WWOX: variants seen among roughly 807,000 people sequenced by gnomAD.
WWOX encodes the protein WW domain-containing oxidoreductase.
WWOX carries 69 observed loss-of-function variants against 46.2 expected under a neutral mutation model. The ratio of observed to expected loss-of-function variants is 1.49; its 90% CI spans 1.23 to 1.82. The LOEUF is 1.82. WWOX is among the 40% of genes most tolerant of loss of function. The pLI, the probability that WWOX is intolerant of heterozygous loss-of-function variation, is 0.00. For synonymous variants in WWOX, 359 were observed against 202.6 expected (o/e 1.77, Z -6.56); for missense variants, 919 against 542.6 (o/e 1.69, Z -6.89).
At chr16:78,647,879 C>CT (rs139325646) in intron 8 of WWOX, among the ~76,000 whole-genome samples, 8,279 of 152,290 alleles carry the variant, frequency 0.054, 312 homozygotes, top group South Asian at 0.17. Flanking sequence ...CTCTCTCACT[C>CT]TGAGTATTTA....
intron 8 of WWOX, among the ~76,000 whole-genome samples, chr16:79,092,363 C>T (rs768884495): frequency 1.9e-4 from 29 of 152,248 alleles, no homozygotes; most frequent in Admixed American, 8.5e-4. Context: ...AAATGGCAGC[C>T]GCCTAGCCTG....
intron 8 of WWOX, among the ~76,000 whole-genome samples, chr16:79,114,207 T>C (rs544292725): frequency 6.6e-6 from 1 of 152,156 alleles, no homozygotes; most frequent in South Asian, 2.1e-4. Flanking sequence ...AGAAGATATG[T>C]TGAAGTCCCA....
At chr16:78,996,550 A>G (rs1422798133) in intron 8 of WWOX, among the ~76,000 whole-genome samples, 3 of 151,854 alleles carry the variant, frequency 2.0e-5, no homozygotes, top group Admixed American at 6.6e-5. Flanking sequence ...CTCCTAACTA[A>G]TGTGGGAGAG....
intron 8 of WWOX, among the ~76,000 whole-genome samples, chr16:78,980,385 A>T (rs2046657408): frequency 6.6e-6 from 1 of 152,162 alleles, no homozygotes; most frequent in African/African-American, 2.4e-5. Flanking sequence ...ATGTCCTTGG[A>T]ATGGTTTTAG....
At chr16:78,593,773 A>C (rs2045408461) in intron 8 of WWOX, among the ~76,000 whole-genome samples, 1 of 151,936 alleles carries the variant, frequency 6.6e-6, no homozygotes, top group Non-Finnish European at 1.5e-5. Context: ...ACACAAAGAG[A>C]ATCAGAAAGG....
At chr16:79,109,643 T>C (rs1051832113) in intron 8 of WWOX, among the ~76,000 whole-genome samples, 1 of 152,224 alleles carries the variant, frequency 6.6e-6, no homozygotes, top group East Asian at 1.9e-4. Flanking sequence ...TTAAATAAAA[T>C]GAACACTGGG....
intron 5 of WWOX, among the ~76,000 whole-genome samples, chr16:78,287,580 C>A (rs1157595038): frequency 6.6e-6 from 1 of 151,550 alleles, no homozygotes; most frequent in African/African-American, 2.4e-5. Context: ...TAAATTTTTT[C>A]TTTGTGTCTA....
intron 8 of WWOX, among the ~76,000 whole-genome samples, chr16:78,571,635 A>G (rs1597285778): frequency 6.6e-6 from 1 of 152,246 alleles, no homozygotes. Flanking sequence ...TAAGGAGTCC[A>G]AGGCAGGTGG....
chr16:78,194,480 C>T lies in WWOX; in HGVS notation c.516+30191C>T, dbSNP rs200483451. Among the ~76,000 whole-genome samples the T allele has an allele frequency of 3.4e-5, 5 of 148,776 alleles. No homozygotes were observed. The East Asian group carries it at 8.3e-4, about 25-fold the overall frequency. ...GTGGGCACCTGTATTCCCAGCTACT[C>T]GGGATGCTGAGGTGGGAGAATTGCT... On this transcript the variant is annotated intron_variant, in intron 5 of 8. Transcript: ENST00000566780.
chr16:78,702,362 T>C (rs993092409), intron 8 of WWOX, among the ~76,000 whole-genome samples: 2 of 151,692 alleles, frequency 1.3e-5, no homozygotes, highest in Non-Finnish European at 2.9e-5. Context: ...TGAAATGATG[T>C]AACCAGGCTG....
intron 6 of WWOX, among the ~76,000 whole-genome samples, chr16:78,397,680 T>G (rs2082319484): frequency 6.6e-6 from 1 of 152,208 alleles, no homozygotes; most frequent in Admixed American, 6.5e-5. Context: ...CACTGCCTAG[T>G]GGGACAATTA....
chr16:78,174,665 C>G lies in WWOX; in HGVS notation c.516+10376C>G, dbSNP rs1437676068. Among the ~76,000 whole-genome samples the G allele has an allele frequency of 3.3e-5, 5 of 152,274 alleles. No homozygotes were observed. In the East Asian group the frequency reaches 9.7e-4, roughly 29 times the overall value. ...ACTGGGAAGTAGCCACTTCTTTCCTCAGCTTCCCACCAATGTGTCAATTAA... is the reference window on the plus strand; with the variant it reads ...ACTGGGAAGTAGCCACTTCTTTCCTGAGCTTCCCACCAATGTGTCAATTAA... On this transcript the variant is annotated intron_variant, in intron 5 of 8. Transcript: ENST00000566780.
At chr16:78,284,527 C>T (rs192346199) in intron 5 of WWOX, among the ~76,000 whole-genome samples, 193 of 152,272 alleles carry the variant, frequency 1.3e-3, no homozygotes, top group African/African-American at 4.6e-3. Flanking sequence ...TCAAATGTCA[C>T]TTACTTCTTG....
intron 4 of WWOX, among the ~76,000 whole-genome samples, chr16:78,156,100 G>A (rs2034587482): frequency 1.3e-5 from 2 of 152,214 alleles, no homozygotes; most frequent in Non-Finnish European, 2.9e-5. Flanking sequence ...AAAGGAAGAT[G>A]TAAGAACCAG....
chr16:78,318,488 A>G (rs1233243635), intron 5 of WWOX, among the ~76,000 whole-genome samples: 1 of 152,098 alleles, frequency 6.6e-6, no homozygotes, highest in Non-Finnish European at 1.5e-5. Flanking sequence ...TGGTCCATAT[A>G]TTTGGTTCCT....
chr16:78,743,914 C>A (rs866728300), intron 8 of WWOX, among the ~76,000 whole-genome samples: 1 of 152,124 alleles, frequency 6.6e-6, no homozygotes, highest in South Asian at 2.1e-4. Flanking sequence ...GCTCTTGAGC[C>A]TCTATGCTTG....
chr16:78,421,737 C>G (rs1421979856), intron 6 of WWOX, among the ~76,000 whole-genome samples: 2 of 152,168 alleles, frequency 1.3e-5, no homozygotes, highest in African/African-American at 4.8e-5. Context: ...AACAGTAAAG[C>G]TGGCTAAAAC....
chr16:79,112,224 T>A (rs74034976), intron 8 of WWOX, among the ~76,000 whole-genome samples: 2 of 152,168 alleles, frequency 1.3e-5, no homozygotes, highest in African/African-American at 2.4e-5. Context: ...AGACTCTTGG[T>A]TTGTGTCTAC....
chr16:78,568,957 C>A (rs2044645348), intron 8 of WWOX, among the ~76,000 whole-genome samples: 1 of 152,216 alleles, frequency 6.6e-6, no homozygotes, highest in Non-Finnish European at 1.5e-5. Flanking sequence ...TCTACCTTAG[C>A]TATGTAAACA....
Sources: gnomAD v4.1 joint callset for allele counts (sites outside exome capture counted in the v4.1 genomes callset) on GRCh38, gnomAD v4.1.1 for gene constraint, MANE v1.5 for transcripts, NCBI Gene and HGNC (gene_info 2026-07-23, HGNC 2026-07-21) for gene names.